PLEC: variants seen among roughly 807,000 people sequenced by gnomAD.
The protein encoded by PLEC is plectin, also known as hemidesmosomal protein 1.
A neutral mutation model predicts 392.8 loss-of-function variants in PLEC; 216 were observed. That is an observed-to-expected ratio of 0.55 (90% CI 0.49 to 0.62). The LOEUF (loss-of-function observed/expected upper bound fraction) is 0.62. Ranked by LOEUF, PLEC falls within the 20% of genes least tolerant of loss-of-function variation. PLEC has a pLI of 0.00. For synonymous variants in PLEC, 3,621 were observed against 2,980.6 expected (o/e 1.21, Z -7.00); for missense variants, 6,863 against 6,563.4 (o/e 1.05, Z -1.58).
Position 143,969,029 on chromosome 8 carries a change from A to C in PLEC, c.70+4374T>G, listed in dbSNP as rs1833269751. Among the ~76,000 whole-genome samples, 1 of 152,220 alleles carries C rather than the reference A, an allele frequency of 6.6e-6. No individual in the cohort carries two copies. The highest frequency in any genetic ancestry group is 6.5e-5 in the Admixed American group (1 of 15,286). Reference sequence around the variant, plus strand: ...AGGTATCTACCCAGCAGAAATAAAAAACATACGACCACACAAAAACGTGTA... The same window carrying C: ...AGGTATCTACCCAGCAGAAATAAAACACATACGACCACACAAAAACGTGTA... On this transcript the variant is annotated intron_variant, in intron 1 of 31. Coordinates refer to the PLEC transcript ENST00000356346. This position sits in a 1 kb window ranked among gnomAD's most constrained non-coding sequence, Gnocchi z 5.1.
chr8:143,935,173 A>G, intron 7 of PLEC, 25 bp downstream of exon 7: 1 of 1,611,170 alleles, frequency 6.2e-7, no homozygotes, highest in East Asian at 2.2e-5. Context: ...GGGAAGGGAC[A>G]GGGAGGAAGG....
Position 143,925,346 on chromosome 8 carries a change from GCCGCCT to G in PLEC, c.4577_4582del (p.Glu1526_Ala1527del). 1.3e-6 allele frequency: 2 copies of G among 1,549,710 alleles called. No homozygotes were observed. The highest frequency in any genetic ancestry group is 1.7e-6 in the Non-Finnish European group (2 of 1,155,564). On this transcript the variant is annotated inframe_deletion, in exon 31 of 32. Transcript: ENST00000345136. ...CTGCAGGGCCCGCTGCTTCTCGCGC[GCCGCCT>G]CGGCCTCGGCCTTCACGCGCGAGGC... is the stretch of plus-strand genomic sequence containing the variant.
chr8:143,952,222 G>GCGCGCA (rs370986007), upstream of PLEC, among the ~76,000 whole-genome samples: 7 of 120,796 alleles, frequency 5.8e-5, no homozygotes, highest in African/African-American at 2.3e-4. Flanking sequence ...GCGCACACAC[G>GCGCGCA]CACGCGCACG....
Position 143,929,946 on chromosome 8 carries a change from G to A in PLEC, c.2729C>T (p.Ser910Phe). Reference protein sequence around the residue: ...RRDVQLIRSWSLATFRTLKPE... With the variant: ...RRDVQLIRSWFLATFRTLKPE... ...CGGGGGCAGGCGTACCGTGGCCAGG[G>A]ACCAGGAGCGGATGAGCTGCACGTC... Residue 910 changes from serine (S) to phenylalanine (F), a missense_variant, in exon 22 of 32, where the codon TCC becomes TTC. Ser to Phe is a radical substitution (Grantham distance 155). Coordinates refer to ENST00000345136, the MANE Select transcript of PLEC (RefSeq NM_201384.3). The A allele has an allele frequency of 1.2e-6, 2 of 1,610,490 alleles. No individual in the cohort carries two copies. The highest frequency in any genetic ancestry group is 2.2e-5 in the East Asian group (1 of 44,836).
chr8:143,927,179 G>C lies in PLEC; in HGVS notation c.3840+73C>G, dbSNP rs1586962824. ...ATGGGCTTTCCCTGGCATGGCCCAG[G>C]CTCAGGGAAAGCCCGCCATCATCCT... is the stretch of plus-strand genomic sequence containing the variant. On this transcript the variant is annotated intron_variant, in intron 28 of 31. Coordinates refer to ENST00000345136, the MANE Select transcript of PLEC (RefSeq NM_201384.3). The C allele has an allele frequency of 1.0e-5, 16 of 1,574,972 alleles. No homozygotes were observed. The East Asian group carries it at 3.6e-4, about 35-fold the overall frequency.
intron 1 of PLEC, among the ~76,000 whole-genome samples, chr8:143,961,559 A>T (rs1554740898): frequency 6.6e-6 from 1 of 152,196 alleles, no homozygotes; most frequent in African/African-American, 2.4e-5. Context: ...ATAGAGATGC[A>T]CAATGACCCA....
At position 143,932,576 on chromosome 8, in the gene PLEC, G is replaced by A. The variant is rs782723953; in HGVS notation, c.1816-15C>T. ...TTGGAGGAGTTCTGTGGGCAGGAGG[G>A]TGCGTGTCAGCAGGCCGCGGGCTAC... On this transcript the variant is annotated splice_polypyrimidine_tract_variant and intron_variant, in intron 15 of 31. Transcript: ENST00000345136. The A allele has an allele frequency of 1.1e-4, 171 of 1,612,310 alleles. 3 individuals carry two copies. In the South Asian group the frequency reaches 1.9e-3, roughly 17 times the overall value.
chr8:143,927,914 C>T lies in PLEC; in HGVS notation c.3339G>A (p.Lys1113=), dbSNP rs1825824098. ...EVLRAHEEQL[K]EAQAVPATLP... ...GGGTGGCCGGCACGGCCTGGGCCTC[C>T]TTGAGCTGCTCCTCGTGGGCCCTGA... Residue 1113 remains lysine (K), a synonymous_variant, in exon 26 of 32, where the codon AAG becomes AAA. Transcript: ENST00000345136. 1.9e-6 allele frequency: 3 copies of T among 1,599,550 alleles called. No individual in the cohort carries two copies. In the East Asian group the frequency reaches 6.8e-5, roughly 36 times the overall value.
chr8:143,924,691 G>GGCTGCAGCCGCCTCAC lies in PLEC; in HGVS notation c.5222_5237dup (p.Thr1747Ter). 1 of 1,534,422 alleles carries GGCTGCAGCCGCCTCAC rather than the reference G, an allele frequency of 6.5e-7. No homozygotes were observed. Among genetic ancestry groups the GGCTGCAGCCGCCTCAC allele is most frequent in the Non-Finnish European group, 8.7e-7 (1 of 1,146,202 alleles). On this transcript the variant is annotated stop_gained and frameshift_variant, in exon 31 of 32. Transcript: ENST00000345136. LOFTEE classifies it high-confidence loss of function. ...CTTCCAGCTCCTGCCGTTTCTGCGT[G>GGCTGCAGCCGCCTCAC]GCTGCAGCCGCCTCACGCTGCAGCC... is the stretch of plus-strand genomic sequence containing the variant.
Position 143,927,965 on chromosome 8 carries a change from G to A in PLEC, c.3288C>T (p.Arg1096=), listed in dbSNP as rs370987177. 61 of 1,601,502 alleles carry A rather than the reference G, an allele frequency of 3.8e-5. No homozygotes were observed. The highest frequency in any genetic ancestry group is 9.4e-5 in the African/African-American group (7 of 74,688). The stretch of plus-strand genomic sequence containing the variant: ...GCACCTCCTCGGCCCCCTGCGTGCC[G>A]CGGATCACCAGGCTGATGGTCTTGA... ...EKLKTISLVI[R]GTQGAEEVLR... Residue 1096 remains arginine (R), a synonymous_variant, in exon 26 of 32, where the codon CGC becomes CGT. Transcript: ENST00000345136.
In PLEC at chr8:143,932,711, C is replaced by T. The variant is rs1204272987; in HGVS notation, c.1739G>A (p.Gly580Asp). 4.4e-6 allele frequency: 7 copies of T among 1,606,762 alleles called. No homozygotes were observed. The highest frequency in any genetic ancestry group is 1.3e-5 in the African/African-American group (1 of 74,698). The stretch of plus-strand genomic sequence containing the variant: ...ACCCCGGGTGGCGGGGGAGAGCTGG[C>T]CCTGCAACAGATGAGACGGTGAGGT... ...AKIERARSDEGQLSPATRGAY... is the reference protein window; with the variant it reads ...AKIERARSDEDQLSPATRGAY... The change falls in exon 15 of 32, where the codon GGC becomes GAC. Residue 580 changes from glycine to aspartate, a missense_variant and splice_region_variant. By Grantham distance (94) the Gly-to-Asp change is moderately conservative. Transcript: ENST00000345136.
upstream of PLEC, chr8:143,944,001 CGGAGCCTGCCCTGCCCGCA>C (rs1485577083): frequency 6.6e-7 from 1 of 1,509,472 alleles, no homozygotes; most frequent in Admixed American, 2.0e-5. Context: ...GCGCCGGGAC[CGGAGCCTGCCCTGCCCGCA>C]GGACCGCCCC....
At chr8:143,942,561 G>A, upstream of PLEC, 1 of 1,500,636 alleles carries the variant, frequency 6.7e-7, no homozygotes, top group Non-Finnish European at 8.9e-7. Flanking sequence ...ACAGTGCGGG[G>A]AGCTGGACCG....
Position 143,924,959 on chromosome 8 carries a change from A to C in PLEC, c.4970T>G (p.Leu1657Arg), listed in dbSNP as rs781941768. Residue 1657 changes from leucine to arginine, a missense_variant, in exon 31 of 32, where the codon CTG becomes CGG. Physicochemically the swap from Leu to Arg is moderately radical, Grantham distance 102 (BLOSUM62 -2). Transcript: ENST00000345136. The part of the protein sequence containing the change: ...QAEEVAQQKS[L>R]AQAEAEKQKE... ...CTGCTTCTCAGCCTCGGCCTGCGCC[A>C]GGCTCTTCTGCTGCGCCACCTCCTC... 11 of 1,579,950 alleles carry C rather than the reference A, an allele frequency of 7.0e-6. No individual in the cohort carries two copies. Among genetic ancestry groups the C allele is most frequent in the Non-Finnish European group, 8.5e-6 (10 of 1,171,406 alleles).
chr8:143,952,999 C>G (rs1289623599), upstream of PLEC, among the ~76,000 whole-genome samples: 3 of 139,514 alleles, frequency 2.2e-5, no homozygotes, highest in Admixed American at 1.4e-4. Flanking sequence ...CCACCCCCCC[C>G]CGCCTCGCAG....
rs782357561 is a variant in PLEC at position 143,919,972 on chromosome 8, C to T, written c.9849G>A (p.Lys3283=). 1.2e-6 allele frequency: 2 copies of T among 1,613,366 alleles called. No individual in the cohort carries two copies. Among genetic ancestry groups the T allele is most frequent in the Admixed American group, 1.7e-5 (1 of 60,030 alleles). ...QFRTGKVTVE[K]VIKILITIVE... ...CGATGGTAATGAGAATCTTGATGAC[C>T]TTCTCCACGGTGACCTTGCCCGTGC... is the stretch of plus-strand genomic sequence containing the variant. The change falls in exon 32 of 32, where the codon AAG becomes AAA. Residue 3283 remains lysine (K), a synonymous_variant. Transcript: ENST00000345136.
In PLEC at chr8:143,933,593, G is replaced by A. The variant is rs113605886; in HGVS notation, c.1264-242C>T. Among the ~76,000 whole-genome samples the A allele has an allele frequency of 1.8e-3, 267 of 152,288 alleles. 2 individuals are homozygous for A. Among genetic ancestry groups the A allele is most frequent in the African/African-American group, 6.0e-3 (249 of 41,562 alleles). On this transcript the variant is annotated intron_variant, in intron 12 of 31. Transcript: ENST00000345136. ...AACCGAGACCCCCATGACCATGTCT[G>A]TGGGGTCCTGGGCCTCATCCTCCAT...
Position 143,925,810 on chromosome 8 carries a change from C to T in PLEC, c.4119G>A (p.Arg1373=). The change falls in exon 31 of 32, where the codon CGG becomes CGA. Residue 1373 remains arginine, a synonymous_variant. Transcript: ENST00000345136. ...AEVEAALEKQ[R]QLAEAHAQAK... is the part of the protein sequence containing the mutation. ...CCTGGGCGTGCGCCTCGGCCAGCTG[C>T]CGCTGCTTCTCCAGCGCGGCCTCCA... 6.4e-7 allele frequency: 1 copy of T among 1,568,144 alleles called. No homozygotes were observed. Among genetic ancestry groups the T allele is most frequent in the East Asian group, 2.3e-5 (1 of 43,130 alleles).
intron 12 of PLEC, 28 bp downstream of exon 12, chr8:143,933,970 G>A (rs535284871): frequency 2.3e-5 from 27 of 1,173,596 alleles, no homozygotes; most frequent in South Asian, 1.5e-4. Context: ...CCTCCCTCCC[G>A]CCCACTGCCT....
Sources: gnomAD v4.1 joint callset for allele counts (sites outside exome capture counted in the v4.1 genomes callset) on GRCh38, gnomAD v4.1.1 for gene constraint, Gnocchi (gnomAD v3.1) non-coding constraint, MANE v1.5 for transcripts, NCBI Gene and HGNC (gene_info 2026-07-23, HGNC 2026-07-21) for gene names.